ATP8B1: variants seen among roughly 807,000 people sequenced by gnomAD.
ATP8B1 encodes phospholipid-transporting ATPase IC.
Under a neutral mutation model 149.9 loss-of-function variants are expected in ATP8B1, and 80 were observed. The ratio of observed to expected loss-of-function variants is 0.53; its 90% CI spans 0.45 to 0.64. The LOEUF (loss-of-function observed/expected upper bound fraction) is 0.64, where lower values mean the gene tolerates loss of function less well. ATP8B1 is among the 30% of genes least tolerant of loss of function. The probability of loss-of-function intolerance (pLI) is 0.00; values close to 1 mark genes in which losing one functional copy is unlikely to be tolerated. For missense variants in ATP8B1, 1,247 were observed against 1,552.6 expected (o/e 0.80, Z 3.31); for synonymous variants, 536 against 562.8 (o/e 0.95, Z 0.67).
chr18:57,720,527 G>T lies in ATP8B1; in HGVS notation c.181+11100C>A, dbSNP rs763205575. 2.3e-3 allele frequency among the ~76,000 whole-genome samples: 280 copies of T among 122,368 alleles called. 2 individuals are homozygous for T. Among genetic ancestry groups the T allele is most frequent in the Non-Finnish European group, 3.3e-3 (193 of 58,716 alleles). 80.3% of individuals were successfully genotyped at this position (122,368 alleles called of 152,430 possible). On this transcript the variant is annotated intron_variant, in intron 2 of 27. Coordinates refer to ENST00000648908, the MANE Select transcript of ATP8B1 (RefSeq NM_001374385.1). ...GAAGATGAAATGAATGAAATGAAGC[G>T]AGAAGGGAACTTTAGAGAAAAAAGA...
chr18:57,672,436 G>C (rs567342013), intron 16 of ATP8B1, among the ~76,000 whole-genome samples: 5 of 152,224 alleles, frequency 3.3e-5, no homozygotes, highest in African/African-American at 1.2e-4. Context: ...TTCAGTAAGT[G>C]TGCCTAAGGA....
Position 57,759,155 on chromosome 18 carries a change from CAAAAA to C in ATP8B1, c.-25-27328_-25-27324del, listed in dbSNP as rs566728161. On this transcript the variant is annotated intron_variant, in intron 1 of 27. Coordinates refer to ENST00000648908, the MANE Select transcript of ATP8B1 (RefSeq NM_001374385.1). Reference sequence around the variant, plus strand: ...TGGGCGACAGAACGAGATTCCATCTCAAAAAAAAAAAAAAAAAAAAAAAAAAAGAA... The same window carrying C: ...TGGGCGACAGAACGAGATTCCATCTCAAAAAAAAAAAAAAAAAAAAAAGAA... Among the ~76,000 whole-genome samples, 650 of 106,158 alleles carry C rather than the reference CAAAAA, an allele frequency of 6.1e-3. 2 individuals carry two copies. In the East Asian group the frequency reaches 0.071, roughly 12 times the overall value. 69.6% of individuals were successfully genotyped at this position (106,158 alleles called of 152,430 possible). A position where few individuals can be genotyped will look rare whatever the true frequency, so the allele number is the denominator to read the frequency against.
chr18:57,789,373 A>G lies in ATP8B1; in HGVS notation c.-26+13625T>C, dbSNP rs2080439772. Among the ~76,000 whole-genome samples, 3 of 152,200 alleles carry G rather than the reference A, an allele frequency of 2.0e-5. No homozygotes were observed. The South Asian group carries it at 6.2e-4, about 32-fold the overall frequency. ...GCAATTTCTGGTTTTGTCAATTACT[A>G]GTTCTGAGACTTCAGGCAAGTTATA... is the stretch of plus-strand genomic sequence containing the variant. On this transcript the variant is annotated intron_variant, in intron 1 of 27. Coordinates refer to ENST00000648908, the MANE Select transcript of ATP8B1 (RefSeq NM_001374385.1).
intron 1 of ATP8B1, among the ~76,000 whole-genome samples, chr18:57,788,547 T>A (rs1246588883): frequency 1.4e-5 from 2 of 142,950 alleles, no homozygotes; most frequent in African/African-American, 5.6e-5. Flanking sequence ...AGAGTGAGAC[T>A]CTTATCTCAA....
chr18:57,673,861 C>G (rs1911413727), intron 16 of ATP8B1, among the ~76,000 whole-genome samples: 1 of 152,034 alleles, frequency 6.6e-6, no homozygotes. Context: ...ACTTGGTGGT[C>G]TGTTATGTGC....
chr18:57,785,938 C>A (rs2080404188), intron 1 of ATP8B1, among the ~76,000 whole-genome samples: 1 of 152,206 alleles, frequency 6.6e-6, no homozygotes, highest in African/African-American at 2.4e-5. Flanking sequence ...ACGGTGGATT[C>A]TTTTCATTGT....
chr18:57,649,222 A>ATCTATCTATCTATCTATCTATCTATC lies in ATP8B1; in HGVS notation c.3532-511_3532-510insGATAGATAGATAGATAGATAGATAGA, dbSNP rs1568177126. Among the ~76,000 whole-genome samples, 6 of 32,886 alleles carry ATCTATCTATCTATCTATCTATCTATC rather than the reference A, an allele frequency of 1.8e-4. No homozygotes were observed. The Admixed American group carries it at 2.3e-3, about 13-fold the overall frequency. The allele number at this position is 32,886 out of a possible 152,430, so 21.6% of individuals were successfully genotyped here. ...TCTATCTATCTATCTATCTATCTAT[A>ATCTATCTATCTATCTATCTATCTATC]TCGACATATATATATGATGATATAA... On this transcript the variant is annotated intron_variant, in intron 27 of 27. Transcript: ENST00000648908.
intron 1 of ATP8B1, among the ~76,000 whole-genome samples, chr18:57,779,681 C>T (rs964189357): frequency 6.6e-6 from 1 of 151,994 alleles, no homozygotes; most frequent in Non-Finnish European, 1.5e-5. Context: ...GGGTAGGTCA[C>T]GAGGTCAGCA....
chr18:57,671,277 C>T (rs1029069316), intron 17 of ATP8B1, among the ~76,000 whole-genome samples, 191 bp downstream of exon 17: 2 of 152,150 alleles, frequency 1.3e-5, no homozygotes, highest in African/African-American at 4.8e-5. Flanking sequence ...GGTGATATCC[C>T]AGGAAGTCAG....
chr18:57,708,779 C>T (rs1327993041), intron 2 of ATP8B1, among the ~76,000 whole-genome samples: 1 of 152,172 alleles, frequency 6.6e-6, no homozygotes, highest in East Asian at 1.9e-4. Flanking sequence ...TTTCCCAGTC[C>T]ACTTCTGGTC....
intron 2 of ATP8B1, among the ~76,000 whole-genome samples, chr18:57,719,745 G>A (rs1229171923): frequency 6.6e-6 from 1 of 152,210 alleles, no homozygotes; most frequent in South Asian, 2.1e-4. Flanking sequence ...GCTCGAACTG[G>A]GTGGAGCCCA....
At chr18:57,786,884 G>C (rs1280197164) in intron 1 of ATP8B1, among the ~76,000 whole-genome samples, 1 of 152,188 alleles carries the variant, frequency 6.6e-6, no homozygotes, top group African/African-American at 2.4e-5. Flanking sequence ...AGGTTTGCTT[G>C]AAAGAGATAC....
At chr18:57,778,248 C>T (rs1464576311) in intron 1 of ATP8B1, among the ~76,000 whole-genome samples, 10 of 137,212 alleles carry the variant, frequency 7.3e-5, no homozygotes, top group Middle Eastern at 4.1e-3. Flanking sequence ...TTTTTTGAGA[C>T]GGAGTCTCGC....
In ATP8B1 at chr18:57,797,703, C is replaced by CTTTT. The variant is rs59261353; in HGVS notation, c.-26+5291_-26+5294dup. Among the ~76,000 whole-genome samples, 676 of 96,200 alleles carry CTTTT rather than the reference C, an allele frequency of 7.0e-3. 5 individuals carry two copies. The highest frequency in any genetic ancestry group is 0.01 in the Non-Finnish European group (511 of 50,630). The allele number at this position is 96,200 out of a possible 152,430, so 63.1% of individuals were successfully genotyped here. A position where few individuals can be genotyped will look rare whatever the true frequency, so the allele number is the denominator to read the frequency against. ...GACACCTGATCTGCTTTCTTTCTTT[C>CTTTT]TTTTTTTTTTTTTTTTTTTTTTGAG... On this transcript the variant is annotated intron_variant, in intron 1 of 27. Coordinates refer to ENST00000648908, the MANE Select transcript of ATP8B1 (RefSeq NM_001374385.1).
chr18:57,796,149 C>G (rs917375672), intron 1 of ATP8B1, among the ~76,000 whole-genome samples: 1 of 152,170 alleles, frequency 6.6e-6, no homozygotes, highest in Non-Finnish European at 1.5e-5. Flanking sequence ...GCCTGCATGA[C>G]AGAGCGAGAC....
intron 11 of ATP8B1, among the ~76,000 whole-genome samples, chr18:57,694,033 TTTG>T (rs1168940028): frequency 2.0e-5 from 3 of 152,210 alleles, no homozygotes; most frequent in Non-Finnish European, 4.4e-5. Context: ...TCTGTGTCCT[TTTG>T]TTGTAATGAC....
At chr18:57,650,126 T>C (rs1909507036) in intron 27 of ATP8B1, among the ~76,000 whole-genome samples, 1 of 152,260 alleles carries the variant, frequency 6.6e-6, no homozygotes, top group African/African-American at 2.4e-5. Flanking sequence ...GATAGATATA[T>C]GGGGCTCATT....
chr18:57,771,844 A>C (rs969579037), intron 1 of ATP8B1, among the ~76,000 whole-genome samples: 29 of 152,298 alleles, frequency 1.9e-4, no homozygotes, highest in African/African-American at 6.7e-4. Context: ...ACACAGCCTA[A>C]GGCACACAAC....
chr18:57,696,223 T>G (rs1371288900), intron 8 of ATP8B1, among the ~76,000 whole-genome samples: 1 of 152,222 alleles, frequency 6.6e-6, no homozygotes, highest in Non-Finnish European at 1.5e-5. Context: ...TTTGTAAAGC[T>G]TTAGAATCTC....
Sources: allele counts gnomAD v4.1 joint callset (sites outside exome capture counted in the v4.1 genomes callset), GRCh38; gene constraint gnomAD v4.1.1; transcripts MANE v1.5; gene names NCBI Gene and HGNC (gene_info 2026-07-23, HGNC 2026-07-21).